Variants in GTF2I observed in about 807,000 individuals in gnomAD.
GTF2I encodes the protein general transcription factor IIi, also known as general transcription factor II-I.
A neutral mutation model predicts 67.6 loss-of-function variants in GTF2I; 12 were observed. The ratio of observed to expected loss-of-function variants is 0.18; its 90% confidence interval spans 0.11 to 0.29. The LOEUF is 0.29. Ranked by LOEUF, GTF2I falls within the 10% of genes least tolerant of loss-of-function variation. The pLI is 1.00. For missense variants in GTF2I, 271 were observed against 580.1 expected (o/e 0.47, Z 5.47); for synonymous variants, 149 against 197.0 (o/e 0.76, Z 2.04).
intron 1 of GTF2I, among the ~76,000 whole-genome samples, chr7:74,658,295 T>G (rs1554384635): frequency 6.8e-6 from 1 of 147,946 alleles, no homozygotes; most frequent in Non-Finnish European, 1.5e-5. Flanking sequence ...GCCTTGGCAG[T>G]GGCCGAAACG....
intron 1 of GTF2I, among the ~76,000 whole-genome samples, chr7:74,660,045 A>G (rs1480949524): frequency 1.3e-5 from 2 of 152,120 alleles, no homozygotes; most frequent in Non-Finnish European, 1.5e-5. Flanking sequence ...TTCCTGCTAC[A>G]GGATTTTTCT....
chr7:74,703,123 T>C (rs747715274), intron 6 of GTF2I, among the ~76,000 whole-genome samples: 1 of 152,202 alleles, frequency 6.6e-6, no homozygotes, highest in Non-Finnish European at 1.5e-5. Flanking sequence ...TGTCTTTTTA[T>C]TATTGAGTCT....
chr7:74,707,077 T>A (rs1398782927), intron 8 of GTF2I, among the ~76,000 whole-genome samples: 1 of 152,238 alleles, frequency 6.6e-6, no homozygotes, highest in Admixed American at 6.5e-5. Context: ...CTTGAACTCC[T>A]GACCTCAAGT....
intron 8 of GTF2I, among the ~76,000 whole-genome samples, 195 bp from the exon 9 acceptor site, chr7:74,710,837 A>T (rs1252050503): frequency 6.6e-6 from 1 of 152,202 alleles, no homozygotes; most frequent in Non-Finnish European, 1.5e-5. Context: ...AATGGTTAAA[A>T]CTTTGCATTG....
chr7:74,697,793 G>C (rs1350254131), intron 3 of GTF2I, among the ~76,000 whole-genome samples: 1 of 151,552 alleles, frequency 6.6e-6, no homozygotes, highest in Admixed American at 6.6e-5. Context: ...TTTTTGAGAC[G>C]GAGTCTTGCT....
intron 8 of GTF2I, 56 bp downstream of exon 8, chr7:74,706,489 T>C (rs1297050445): frequency 1.5e-6 from 2 of 1,308,576 alleles, no homozygotes; most frequent in Non-Finnish European, 2.2e-6. Flanking sequence ...TTTTCCTTAG[T>C]GTAGAAGTTT....
At chr7:74,672,865 G>GT (rs1285051620) in intron 1 of GTF2I, among the ~76,000 whole-genome samples, 3 of 151,784 alleles carry the variant, frequency 2.0e-5, no homozygotes, top group East Asian at 1.9e-4. Context: ...TTACTGTTTT[G>GT]TTTTTTTTCT....
intron 1 of GTF2I, among the ~76,000 whole-genome samples, chr7:74,664,535 G>C (rs587737959): frequency 6.6e-6 from 1 of 152,282 alleles, no homozygotes; most frequent in East Asian, 1.9e-4. Flanking sequence ...CCAGGTTCAA[G>C]CGATTCTCCT....
At chr7:74,714,601 A>T (rs1345782400) in intron 9 of GTF2I, among the ~76,000 whole-genome samples, 2 of 152,070 alleles carry the variant, frequency 1.3e-5, no homozygotes, top group African/African-American at 4.8e-5. Flanking sequence ...TACCATTCCC[A>T]TTCAATCCAT....
At chr7:74,732,169 A>G (rs1794556087) in intron 14 of GTF2I, among the ~76,000 whole-genome samples, 1 of 149,154 alleles carries the variant, frequency 6.7e-6, no homozygotes, top group Non-Finnish European at 1.5e-5. Flanking sequence ...ACATAAACAC[A>G]TATACATATA....
Position 74,711,114 on chromosome 7 carries a change from T to TTACC in GTF2I, c.763+6_763+7insACCT. The TTACC allele has an allele frequency of 1.6e-6, 2 of 1,218,176 alleles. No homozygotes were observed. The highest frequency in any genetic ancestry group is 2.3e-6 in the Non-Finnish European group (2 of 857,724). The allele number at this position is 1,218,176 out of a possible 1,614,324, so 75.5% of individuals were successfully genotyped here. Reference sequence around the variant, plus strand: ...ATTATCAATATAACATTCAAGGTAATTTGAATTAATGCAATTTTTCTTTCT... The same window carrying TTACC: ...ATTATCAATATAACATTCAAGGTAATTACCTTGAATTAATGCAATTTTTCTTTCT... On this transcript the variant is annotated splice_donor_region_variant and intron_variant, in intron 9 of 34. Transcript: ENST00000573035.
intron 1 of GTF2I, among the ~76,000 whole-genome samples, chr7:74,679,120 T>C (rs1584107452): frequency 7.0e-6 from 1 of 142,042 alleles, no homozygotes; most frequent in African/African-American, 2.6e-5. Flanking sequence ...ACTCTGTTGC[T>C]CAGGCTGGAG....
At chr7:74,660,829 G>A (rs1804422404) in intron 1 of GTF2I, among the ~76,000 whole-genome samples, 1 of 151,864 alleles carries the variant, frequency 6.6e-6, no homozygotes, top group Non-Finnish European at 1.5e-5. Flanking sequence ...TAGTCACTGG[G>A]TGTTGAGCTC....
chr7:74,732,903 A>G (rs1484159845), intron 15 of GTF2I, among the ~76,000 whole-genome samples: 1 of 149,988 alleles, frequency 6.7e-6, no homozygotes, highest in African/African-American at 2.5e-5. Flanking sequence ...ATTTTCTTTC[A>G]CAATTTTCTG....
chr7:74,672,582 G>A (rs1481789408), intron 1 of GTF2I, among the ~76,000 whole-genome samples: 3 of 151,988 alleles, frequency 2.0e-5, no homozygotes, highest in African/African-American at 7.2e-5. Flanking sequence ...CAGAGCCTGT[G>A]AATTGCTGAC....
intron 3 of GTF2I, among the ~76,000 whole-genome samples, chr7:74,697,346 G>A (rs1296279254): frequency 2.6e-5 from 4 of 152,116 alleles, no homozygotes; most frequent in East Asian, 3.9e-4. Flanking sequence ...AGTGAGCCAC[G>A]ATCGTGCCAC....
Position 74,716,915 on chromosome 7 carries a change from G to A in GTF2I, c.845G>A (p.Gly282Asp), listed in dbSNP as rs781919341. The change falls in exon 11 of 35, where the codon GGC (glycine) becomes GAC (aspartate). Residue 282 changes from glycine (G) to aspartate (D), a missense_variant. Gly to Asp is a moderately conservative substitution (Grantham distance 94). This residue lies in a region of GTF2I where 124 missense variants were observed against 147.0 expected (regional missense o/e 0.84). Transcript: ENST00000573035. Reference protein sequence around the residue: ...PLQGSHHSSEGNEGTEMEVPA... With the variant: ...PLQGSHHSSEDNEGTEMEVPA... ...TTAGGAAGCCACCATTCTTCAGAGG[G>A]CAATGAAGGCACAGAAATGGAAGTA... 6.2e-7 allele frequency: 1 copy of A among 1,606,876 alleles called. No homozygotes were observed. Among genetic ancestry groups the A allele is most frequent in the Non-Finnish European group, 8.5e-7 (1 of 1,175,834 alleles).
rs1554389295 is a variant in GTF2I, at chr7:74,668,172, A to AATTT, written c.-6+10104_-6+10105insATTT. Among the ~76,000 whole-genome samples the AATTT allele has an allele frequency of 6.0e-5, 6 of 100,298 alleles. No homozygotes were observed. In the East Asian group the frequency reaches 2.1e-3, roughly 35 times the overall value. The allele number at this position is 100,298 out of a possible 152,430, so 65.8% of individuals were successfully genotyped here. A position where few individuals can be genotyped will look rare whatever the true frequency, so the allele number is the denominator to read the frequency against. On this transcript the variant is annotated intron_variant, in intron 1 of 34. Transcript: ENST00000573035. ...TGTATGTATAGTTCAGTGGTGCAGA[A>AATTT]CTTTTTTTTTTTTTTTTTTTTTTTG...
intron 1 of GTF2I, among the ~76,000 whole-genome samples, chr7:74,660,481 C>T (rs1562929765): frequency 6.6e-6 from 1 of 152,238 alleles, no homozygotes; most frequent in Admixed American, 6.5e-5. Context: ...CGTGAGCCAC[C>T]GCTCCCGGCC....
Sources: gnomAD v4.1 joint callset for allele counts (sites outside exome capture counted in the v4.1 genomes callset) on GRCh38, gnomAD v4.1.1 for gene constraint, gnomAD v4.1.1 regional missense constraint, MANE v1.5 for transcripts, NCBI Gene and HGNC (gene_info 2026-07-23, HGNC 2026-07-21) for gene names.